CUX1: variants seen among roughly 807,000 people sequenced by gnomAD.
The protein encoded by CUX1 is cut like homeobox 1.
Under a neutral mutation model 158.8 loss-of-function variants are expected in CUX1, and 31 were observed. The observed-to-expected ratio is 0.20, with a 90% confidence interval of 0.15 to 0.26. The LOEUF (loss-of-function observed/expected upper bound fraction) is 0.26, where lower values mean the gene tolerates loss of function less well. Among genes scored for constraint, CUX1 ranks in the 10% least tolerant of loss-of-function variants. The pLI, the probability that CUX1 is intolerant of heterozygous loss-of-function variation, is 1.00. For synonymous variants in CUX1, 879 were observed against 862.1 expected (o/e 1.02, Z -0.34); for missense variants, 1,589 against 2,014.6 (o/e 0.79, Z 4.04).
chr7:102,259,758 GAAAGA>G (rs1296550559), downstream of CUX1, among the ~76,000 whole-genome samples: 6 of 14,344 alleles, frequency 4.2e-4, no homozygotes, highest in Non-Finnish European at 1.0e-3. Flanking sequence ...AAAAAAAAAA[GAAAGA>G]AAAGAGAAAG....
intron 16 of CUX1, among the ~76,000 whole-genome samples, chr7:102,199,214 C>T (rs1289223180): frequency 2.6e-5 from 4 of 152,158 alleles, no homozygotes; most frequent in African/African-American, 7.2e-5. Flanking sequence ...TCAGGTGACC[C>T]GTCAAATTAA....
intron 4 of CUX1, among the ~76,000 whole-genome samples, chr7:102,074,300 CA>C (rs1344212663): frequency 6.6e-6 from 1 of 152,156 alleles, no homozygotes; most frequent in Non-Finnish European, 1.5e-5. Flanking sequence ...GGGAATAATG[CA>C]ACAGGCATTC....
chr7:102,018,138 T>A (rs10253815), intron 2 of CUX1, among the ~76,000 whole-genome samples: 63,956 of 151,330 alleles, frequency 0.42, 14,070 homozygotes, highest in Non-Finnish European at 0.46. Context: ...TTTAGAAACT[T>A]TTTGTAGAGC....
At chr7:102,058,398 C>G (rs562933692) in intron 3 of CUX1, among the ~76,000 whole-genome samples, 23 of 152,198 alleles carry the variant, frequency 1.5e-4, no homozygotes, top group African/African-American at 5.1e-4. Context: ...CTCAGCCTCC[C>G]GAGTAGCTGG....
chr7:102,186,599 T>TG (rs1793652989), intron 11 of CUX1, among the ~76,000 whole-genome samples: 1 of 147,538 alleles, frequency 6.8e-6, no homozygotes, highest in Non-Finnish European at 1.5e-5. Flanking sequence ...ATATATATTT[T>TG]TTTTTATTTA....
chr7:101,869,599 G>T lies in CUX1; in HGVS notation c.31-46516G>T, dbSNP rs532054126. On this transcript the variant is annotated intron_variant, in intron 1 of 23. Coordinates refer to ENST00000292535, the MANE Select transcript of CUX1 (RefSeq NM_181552.4). The surrounding 1 kb of genome is among the most constrained non-coding windows in gnomAD (Gnocchi z 4.5). The stretch of plus-strand genomic sequence containing the variant: ...GGGAGGGAAACCAGCACGTTAGAAG[G>T]TCAGCCAAGGTCAGGCGGCCAGCAG... Among the ~76,000 whole-genome samples, 9 of 152,140 alleles carry T rather than the reference G, an allele frequency of 5.9e-5. No individual in the cohort carries two copies. The highest frequency in any genetic ancestry group is 1.9e-4 in the African/African-American group (8 of 41,424).
At chr7:101,945,807 G>A (rs537420943) in intron 2 of CUX1, among the ~76,000 whole-genome samples, 32 of 152,328 alleles carry the variant, frequency 2.1e-4, no homozygotes, top group Admixed American at 1.7e-3. Flanking sequence ...GCTCAGGAAC[G>A]TGGTTCTGAT....
In CUX1 at chr7:102,251,852, A is replaced by C; in HGVS notation, c.*2810A>C. The C allele has an allele frequency of 1.0e-6, 1 of 985,446 alleles. No individual in the cohort carries two copies. Among genetic ancestry groups the C allele is most frequent in the Non-Finnish European group, 1.2e-6 (1 of 829,912 alleles). The allele number at this position is 985,446 out of a possible 1,614,324, so 61.0% of individuals were successfully genotyped here. Reference sequence around the variant, plus strand: ...TTAAAGGCATGACTGTTATTTACAAAGGTGTTAAATCTGAGGAAATTGACA... The same window carrying C: ...TTAAAGGCATGACTGTTATTTACAACGGTGTTAAATCTGAGGAAATTGACA... On this transcript the variant is annotated 3_prime_UTR_variant, in exon 24 of 24. Coordinates refer to ENST00000292535, the MANE Select transcript of CUX1 (RefSeq NM_181552.4).
intron 2 of CUX1, chr7:101,932,249 T>G (rs183153080): frequency 7.0e-4 from 116 of 166,756 alleles, no homozygotes; most frequent in Non-Finnish European, 9.7e-4. Context: ...CATCAGTAGC[T>G]TAAAGCCATT....
At chr7:101,965,741 C>T (rs368466934) in intron 2 of CUX1, among the ~76,000 whole-genome samples, 14 of 146,520 alleles carry the variant, frequency 9.6e-5, no homozygotes, top group South Asian at 2.2e-4. Flanking sequence ...CCCAGCTACT[C>T]GGGAGGCTGA....
At chr7:101,887,726 C>T (rs1431436989) in intron 1 of CUX1, among the ~76,000 whole-genome samples, 2 of 152,076 alleles carry the variant, frequency 1.3e-5, no homozygotes, top group African/African-American at 4.8e-5. Context: ...GCAGGACCCA[C>T]AGCTAAGTCA....
chr7:101,943,575 A>G (rs1188255871), intron 2 of CUX1, among the ~76,000 whole-genome samples: 4 of 151,962 alleles, frequency 2.6e-5, no homozygotes, highest in East Asian at 1.9e-4. Context: ...ATCACATATC[A>G]TATGCAGGAT....
intron 3 of CUX1, among the ~76,000 whole-genome samples, chr7:102,060,769 C>T (rs545153469): frequency 2.6e-5 from 4 of 151,184 alleles, no homozygotes; most frequent in Non-Finnish European, 4.4e-5. Flanking sequence ...CCTGCCACCA[C>T]ACCTGGCTGA....
chr7:102,053,193 G>A (rs1017448207), intron 3 of CUX1, among the ~76,000 whole-genome samples: 1 of 152,194 alleles, frequency 6.6e-6, no homozygotes, highest in Non-Finnish European at 1.5e-5. Context: ...TCCCTAATGA[G>A]TATTGGCATT....
At chr7:102,101,422 C>T (rs1439001549) in intron 5 of CUX1, among the ~76,000 whole-genome samples, 2 of 152,172 alleles carry the variant, frequency 1.3e-5, no homozygotes, top group Non-Finnish European at 2.9e-5. Flanking sequence ...AGGCCAGAGG[C>T]GCTAGGATAA....
In CUX1 at chr7:102,255,957, A is replaced by G. The variant is rs1789848237; in HGVS notation, c.*6915A>G. 1 of 985,470 alleles carries G rather than the reference A, an allele frequency of 1.0e-6. No homozygotes were observed. Among genetic ancestry groups the G allele is most frequent in the Non-Finnish European group, 1.2e-6 (1 of 829,938 alleles). 61.0% of individuals were successfully genotyped at this position (985,470 alleles called of 1,614,324 possible). A position where few individuals can be genotyped will look rare whatever the true frequency, so the allele number is the denominator to read the frequency against. On this transcript the variant is annotated 3_prime_UTR_variant, in exon 24 of 24. Transcript: ENST00000292535. ...AAAAAAATAACGTATTGCACACCAA[A>G]TGAACTCAAAGTAAGCTTTAGACCA...
At chr7:102,077,871 T>C (rs1434322636) in intron 4 of CUX1, among the ~76,000 whole-genome samples, 1 of 143,322 alleles carries the variant, frequency 7.0e-6, no homozygotes, top group Non-Finnish European at 1.5e-5. Context: ...TTCTTGATAC[T>C]TTTCATTTTT....
intron 8 of CUX1, among the ~76,000 whole-genome samples, chr7:102,119,400 G>A (rs1473646138): frequency 6.6e-6 from 1 of 152,232 alleles, no homozygotes; most frequent in Non-Finnish European, 1.5e-5. Flanking sequence ...CGGGCTGACT[G>A]TGGCAGACAA....
chr7:102,085,838 A>G (rs1349104125), intron 4 of CUX1, among the ~76,000 whole-genome samples: 3 of 152,222 alleles, frequency 2.0e-5, no homozygotes, highest in Non-Finnish European at 4.4e-5. Context: ...AAGAGTTTGT[A>G]TAAGATTGCA....
Sources: gnomAD v4.1 joint callset for allele counts (sites outside exome capture counted in the v4.1 genomes callset) on GRCh38, gnomAD v4.1.1 for gene constraint, Gnocchi (gnomAD v3.1) non-coding constraint, MANE v1.5 for transcripts, NCBI Gene and HGNC (gene_info 2026-07-23, HGNC 2026-07-21) for gene names.